Variants in C10orf143 observed in about 807,000 individuals in gnomAD.
C10orf143 encodes uncharacterized protein C10orf143.
At chr10:130,108,352 C>A in intron 1 of C10orf143, 1 of 1,301,818 alleles carries the variant, frequency 7.7e-7, no homozygotes, top group African/African-American at 1.4e-5. Context: ...GATTTTTCCC[C>A]CGACCCCCAC....
intron 1 of C10orf143, among the ~76,000 whole-genome samples, chr10:130,086,376 A>T (rs951525499): frequency 1.3e-5 from 2 of 152,250 alleles, no homozygotes; most frequent in Non-Finnish European, 2.9e-5. Flanking sequence ...ATTTCCATGG[A>T]ATATGTATTT....
chr10:130,041,142 C>T (rs543592731), intron 3 of C10orf143, among the ~76,000 whole-genome samples: 6 of 152,364 alleles, frequency 3.9e-5, no homozygotes, highest in South Asian at 2.1e-4. Context: ...AGCTCCTGAA[C>T]GGCCGTCTTG....
chr10:130,050,944 G>A (rs1860730070), intron 3 of C10orf143, among the ~76,000 whole-genome samples: 1 of 152,172 alleles, frequency 6.6e-6, no homozygotes, highest in Admixed American at 6.5e-5. Context: ...TCAGGCTGTG[G>A]AGGGACCACT....
downstream of C10orf143, among the ~76,000 whole-genome samples, chr10:130,060,784 C>T (rs189052954): frequency 7.6e-6 from 1 of 130,898 alleles, no homozygotes; most frequent in Admixed American, 9.1e-5. Context: ...GATCACGCCA[C>T]TGCACTCCAG....
chr10:130,086,422 T>C (rs1861292969), intron 1 of C10orf143, among the ~76,000 whole-genome samples: 1 of 152,258 alleles, frequency 6.6e-6, no homozygotes, highest in Non-Finnish European at 1.5e-5. Flanking sequence ...CAATCCTTAT[T>C]CTGCCATATA....
chr10:130,075,004 ATGT>A (rs1441146778), intron 3 of C10orf143, among the ~76,000 whole-genome samples: 4 of 152,000 alleles, frequency 2.6e-5, no homozygotes, highest in Non-Finnish European at 1.5e-5. Context: ...ACACACACAA[ATGT>A]TGTCAGGCAA....
At chr10:130,081,118 G>A (rs1053990425) in intron 1 of C10orf143, among the ~76,000 whole-genome samples, 2 of 152,134 alleles carry the variant, frequency 1.3e-5, no homozygotes, top group Non-Finnish European at 2.9e-5. Flanking sequence ...AAGTGATTCT[G>A]AAAGGCTAAA....
intron 3 of C10orf143, among the ~76,000 whole-genome samples, chr10:130,037,433 C>T (rs1019553143): frequency 2.6e-5 from 4 of 152,196 alleles, no homozygotes; most frequent in African/African-American, 9.6e-5. Context: ...TTCACAAGCC[C>T]TGCCTGCTGT....
rs780204802 is a variant in C10orf143, at chr10:130,106,882, T to C, written c.69+3822A>G. On this transcript the variant is annotated intron_variant, in intron 1 of 3. Transcript: ENST00000637128. The stretch of plus-strand genomic sequence containing the variant: ...TGCTAAAGATGAAAGATTGGGCTGC[T>C]AGGCTTAGAGAAGACGTAACGGATG... 3 of 1,082,370 alleles carry C rather than the reference T, an allele frequency of 2.8e-6. No individual in the cohort carries two copies. The South Asian group carries it at 3.7e-5, about 13-fold the overall frequency. 67.0% of individuals were successfully genotyped at this position (1,082,370 alleles called of 1,614,324 possible). A position where few individuals can be genotyped will look rare whatever the true frequency, so the allele number is the denominator to read the frequency against.
At chr10:130,099,057 C>T (rs1031339086) in intron 1 of C10orf143, among the ~76,000 whole-genome samples, 2 of 148,768 alleles carry the variant, frequency 1.3e-5, no homozygotes, top group Admixed American at 6.8e-5. Context: ...CACTTCACTC[C>T]AGCTTGGGCA....
chr10:130,090,173 T>C (rs1861357635), intron 1 of C10orf143, among the ~76,000 whole-genome samples: 1 of 152,126 alleles, frequency 6.6e-6, no homozygotes, highest in South Asian at 2.1e-4. Flanking sequence ...GCAAGATCAA[T>C]GCAGAAGGCG....
At chr10:130,052,759 G>C (rs1233450528) in intron 3 of C10orf143, among the ~76,000 whole-genome samples, 1 of 152,322 alleles carries the variant, frequency 6.6e-6, no homozygotes, top group South Asian at 2.1e-4. Flanking sequence ...ACTAATCAGC[G>C]TTACTCTTTC....
chr10:130,056,105 G>C lies in C10orf143; in HGVS notation c.298-20135C>G, dbSNP rs1860792218. ...TTTACTCTTTTTAATAATGGTCACT[G>C]AATAAATGAGTAAATGCAATTTAAA... On this transcript the variant is annotated intron_variant and NMD_transcript_variant, in intron 3 of 5. Coordinates refer to the C10orf143 transcript ENST00000643056. This position sits in a 1 kb window ranked among gnomAD's most constrained non-coding sequence, Gnocchi z 4.6. Among the ~76,000 whole-genome samples, 1 of 152,044 alleles carries C rather than the reference G, an allele frequency of 6.6e-6. No individual in the cohort carries two copies. Among genetic ancestry groups the C allele is most frequent in the South Asian group, 2.1e-4 (1 of 4,814 alleles).
rs1474574385 is a variant in C10orf143 at position 130,096,823 on chromosome 10, A to C, written c.69+13881T>G. 4.3e-5 allele frequency among the ~76,000 whole-genome samples: 6 copies of C among 140,720 alleles called. No homozygotes were observed. In the Admixed American group the frequency reaches 4.6e-4, roughly 11 times the overall value. 92.3% of individuals were successfully genotyped at this position (140,720 alleles called of 152,430 possible). The stretch of plus-strand genomic sequence containing the variant: ...TATGTAACAAACCTGTACATTCTGC[A>C]CATGTATCCCAAAACTTAAAATATA... On this transcript the variant is annotated intron_variant, in intron 1 of 3. Coordinates refer to ENST00000637128, the MANE Select transcript of C10orf143 (RefSeq NM_001355042.2).
chr10:130,076,050 G>A lies in C10orf143; in HGVS notation c.297+3516C>T, dbSNP rs148606076. ...GTCACTCAGGCTGGAGTGCAATGGC[G>A]CAATCTTGGCTCAATGCAACCTCCA... On this transcript the variant is annotated intron_variant, in intron 3 of 3. Coordinates refer to ENST00000637128, the MANE Select transcript of C10orf143 (RefSeq NM_001355042.2). Among the ~76,000 whole-genome samples the A allele has an allele frequency of 3.4e-3, 507 of 150,086 alleles. 1 individual carries two copies. Among genetic ancestry groups the A allele is most frequent in the African/African-American group, 0.011 (466 of 40,748 alleles).
At chr10:130,104,301 A>G (rs142723501) in intron 1 of C10orf143, 1 of 152,364 alleles carries the variant, frequency 6.6e-6, no homozygotes, top group African/African-American at 2.4e-5. Flanking sequence ...AGCTAACTGG[A>G]CTGCAAGGAA....
intron 3 of C10orf143, among the ~76,000 whole-genome samples, chr10:130,052,650 C>T (rs921723796): frequency 2.0e-5 from 3 of 152,222 alleles, no homozygotes; most frequent in Admixed American, 1.3e-4. Flanking sequence ...TAATCACAAA[C>T]GTAAGCTGCC....
intron 1 of C10orf143, among the ~76,000 whole-genome samples, chr10:130,101,849 C>CA (rs1413239919): frequency 0.014 from 366 of 26,848 alleles, 15 homozygotes; most frequent in African/African-American, 0.021. Context: ...GACTCTGTCT[C>CA]AAAAAAAAAA....
chr10:130,107,834 A>G (rs1415942963), intron 1 of C10orf143: 4 of 1,249,660 alleles, frequency 3.2e-6, no homozygotes, highest in Non-Finnish European at 4.7e-6. Context: ...GTCACTTCCG[A>G]GGGAACAGGA....
Sources: allele counts gnomAD v4.1 joint callset (sites outside exome capture counted in the v4.1 genomes callset), GRCh38; gene constraint gnomAD v4.1.1; non-coding constraint Gnocchi (gnomAD v3.1); transcripts MANE v1.5; gene names NCBI Gene and HGNC (gene_info 2026-07-23, HGNC 2026-07-21).